The following NFIL3 variants were observed in gnomAD, a reference collection of about 807,000 sequenced individuals.
The protein encoded by NFIL3 is nuclear factor interleukin-3-regulated protein.
NFIL3 carries 5 observed loss-of-function variants against 10.0 expected under a neutral mutation model. The ratio of observed to expected loss-of-function variants is 0.50; its 90% CI spans 0.26 to 1.06. The LOEUF (loss-of-function observed/expected upper bound fraction) is 1.06. Ranked by LOEUF, NFIL3 falls within the 50% of genes least tolerant of loss-of-function variation. The pLI is 0.13. For missense variants in NFIL3, 436 were observed against 547.6 expected, an observed-to-expected ratio of 0.80 and a Z score of 2.03; for synonymous variants, 202 against 206.5, an observed-to-expected ratio of 0.98 and a Z score of 0.19.
At position 91,409,482 on chromosome 9, in the gene NFIL3, A is replaced by G. The variant is rs763179095; in HGVS notation, c.1253T>C (p.Met418Thr). ...AGAAACTTTGTAGCCACTGTCTTTCATTTCAACAACTCCAGTTTTGAAACT... is the reference window on the plus strand; with the variant it reads ...AGAAACTTTGTAGCCACTGTCTTTCGTTTCAACAACTCCAGTTTTGAAACT... Reference protein sequence around the residue: ...QNSFKTGVVEMKDSGYKVSDP... With the variant: ...QNSFKTGVVETKDSGYKVSDP... The change falls in exon 2 of 2, where the codon ATG becomes ACG. Residue 418 changes from methionine to threonine, a missense_variant. By Grantham distance (81) the Met-to-Thr change is moderately conservative (BLOSUM62 -1). Transcript: ENST00000297689. 45 of 1,614,126 alleles carry G rather than the reference A, an allele frequency of 2.8e-5. 2 individuals carry two copies. The South Asian group carries it at 4.8e-4, about 17-fold the overall frequency.
chr9:91,480,953 C>A, the NFIL3 span, among the ~76,000 whole-genome samples: 1 of 152,114 alleles, frequency 6.6e-6, no homozygotes, highest in Non-Finnish European at 1.5e-5. Context: ...CAGGGAAGGG[C>A]GCGCAGAGGG....
At chr9:91,448,294 G>C in the NFIL3 span, among the ~76,000 whole-genome samples, 4,587 of 152,148 alleles carry the variant, frequency 0.03, 98 homozygotes, top group East Asian at 0.094. Context: ...TGGCTGAAAA[G>C]GCCAACATTA....
upstream of NFIL3, among the ~76,000 whole-genome samples, chr9:91,425,342 T>C (rs1833859302): frequency 6.6e-6 from 1 of 152,222 alleles, no homozygotes; most frequent in Non-Finnish European, 1.5e-5. Context: ...ACAGTTAATA[T>C]CATAATAACG....
chr9:91,417,339 A>C (rs1318747787), intron 1 of NFIL3, among the ~76,000 whole-genome samples: 2 of 152,212 alleles, frequency 1.3e-5, no homozygotes, highest in Non-Finnish European at 2.9e-5. Flanking sequence ...ACTGTAAGCC[A>C]CCTCTCCAGT....
the NFIL3 span, among the ~76,000 whole-genome samples, chr9:91,463,329 A>G: frequency 6.6e-6 from 1 of 151,784 alleles, no homozygotes; most frequent in Non-Finnish European, 1.5e-5. Context: ...ATTTCATGCT[A>G]TAAACTTCCT....
chr9:91,444,564 C>A, the NFIL3 span, among the ~76,000 whole-genome samples: 3 of 152,180 alleles, frequency 2.0e-5, no homozygotes, highest in Admixed American at 6.5e-5. Context: ...CTCTCTCAAA[C>A]TTTACACAGT....
At chr9:91,482,538 C>T in the NFIL3 span, among the ~76,000 whole-genome samples, 1 of 152,030 alleles carries the variant, frequency 6.6e-6, no homozygotes, top group Non-Finnish European at 1.5e-5. Flanking sequence ...TTGCTCTTGT[C>T]GCCCAGGCTG....
chr9:91,430,975 A>G, the NFIL3 span, among the ~76,000 whole-genome samples: 1 of 152,214 alleles, frequency 6.6e-6, no homozygotes, highest in Non-Finnish European at 1.5e-5. Context: ...ATGCCTCAAA[A>G]GAGTACCACA....
At chr9:91,453,097 T>G in the NFIL3 span, among the ~76,000 whole-genome samples, 2 of 152,094 alleles carry the variant, frequency 1.3e-5, no homozygotes, top group African/African-American at 4.8e-5. Flanking sequence ...GCAGGTTTGG[T>G]TCTTTCTGAG....
the NFIL3 span, among the ~76,000 whole-genome samples, chr9:91,460,578 G>C: frequency 6.6e-6 from 1 of 152,022 alleles, no homozygotes; most frequent in Non-Finnish European, 1.5e-5. Flanking sequence ...CGCCCAGCTT[G>C]GGGTTTGTTC....
At chr9:91,443,767 G>C in the NFIL3 span, among the ~76,000 whole-genome samples, 4 of 152,222 alleles carry the variant, frequency 2.6e-5, no homozygotes, top group South Asian at 8.3e-4. Flanking sequence ...GCTCCCACCT[G>C]TTACCAGCCC....
Position 91,409,586 on chromosome 9 carries a change from C to T in NFIL3, c.1149G>A (p.Val383=). The change falls in exon 2 of 2, where the codon GTG becomes GTA. Residue 383 remains valine, a synonymous_variant. Coordinates refer to ENST00000297689, the MANE Select transcript of NFIL3 (RefSeq NM_005384.3). Reference sequence around the variant, plus strand: ...ACCAATCTTGAATGTTAGTCACTTGCACTGAGAAAGGAGTAAGAGAAGAAT... The same window carrying T: ...ACCAATCTTGAATGTTAGTCACTTGTACTGAGAAAGGAGTAAGAGAAGAAT... The part of the protein sequence containing the change: ...MVHSSLTPFS[V]QVTNIQDWSL... 6.2e-7 allele frequency: 1 copy of T among 1,614,180 alleles called. No homozygotes were observed. Among genetic ancestry groups the T allele is most frequent in the Non-Finnish European group, 8.5e-7 (1 of 1,180,030 alleles).
chr9:91,479,379 A>G, the NFIL3 span, among the ~76,000 whole-genome samples: 5 of 152,196 alleles, frequency 3.3e-5, no homozygotes, highest in African/African-American at 4.8e-5. Context: ...GTCTTGCTAC[A>G]GAGGCTTTGC....
the NFIL3 span, among the ~76,000 whole-genome samples, chr9:91,433,876 GTGTC>G: frequency 2.0e-5 from 3 of 151,846 alleles, no homozygotes; most frequent in Non-Finnish European, 4.4e-5. Context: ...CTTGGGAAAA[GTGTC>G]TTATTCACAA....
the NFIL3 span, among the ~76,000 whole-genome samples, chr9:91,435,319 C>G: frequency 3.3e-5 from 5 of 152,204 alleles, no homozygotes; most frequent in Admixed American, 3.3e-4. Context: ...TCCAACATCT[C>G]TATGACCTTG....
chr9:91,445,039 A>T, the NFIL3 span, among the ~76,000 whole-genome samples: 3 of 152,098 alleles, frequency 2.0e-5, no homozygotes, highest in Non-Finnish European at 4.4e-5. Context: ...AAGTGGCTTT[A>T]GTTCTCTAAT....
chr9:91,457,805 G>C, the NFIL3 span, among the ~76,000 whole-genome samples: 3 of 152,014 alleles, frequency 2.0e-5, no homozygotes, highest in Non-Finnish European at 4.4e-5. Flanking sequence ...TTAGCTATAG[G>C]TTTATTGTAG....
At chr9:91,475,842 T>C in the NFIL3 span, among the ~76,000 whole-genome samples, 1 of 152,246 alleles carries the variant, frequency 6.6e-6, no homozygotes, top group Non-Finnish European at 1.5e-5. Context: ...AAAATATATG[T>C]GAATGACATT....
the NFIL3 span, among the ~76,000 whole-genome samples, chr9:91,454,841 C>T: frequency 4.6e-5 from 7 of 152,062 alleles, no homozygotes; most frequent in South Asian, 2.1e-4. Flanking sequence ...CAAAACAAAA[C>T]GAAACAAAAC....
Sources: gnomAD v4.1 joint callset for allele counts (sites outside exome capture counted in the v4.1 genomes callset) on GRCh38, gnomAD v4.1.1 for gene constraint, MANE v1.5 for transcripts, NCBI Gene and HGNC (gene_info 2026-07-23, HGNC 2026-07-21) for gene names.